CAMSAP2: variants seen among roughly 807,000 people sequenced by gnomAD.
CAMSAP2 encodes calmodulin-regulated spectrin-associated protein 2.
In CAMSAP2, 26 loss-of-function variants were observed where a neutral mutation model predicts 146.1. The observed-to-expected ratio is 0.18, with a 90% confidence interval of 0.13 to 0.25. The LOEUF is 0.25. Among genes scored for constraint, CAMSAP2 ranks in the 10% least tolerant of loss-of-function variants. CAMSAP2 has a pLI of 1.00. For synonymous variants in CAMSAP2, 499 were observed against 596.6 expected (o/e 0.84, Z 2.38); for missense variants, 1,381 against 1,759.3 (o/e 0.78, Z 3.85).
chr1:200,739,537 G>T lies in CAMSAP2; in HGVS notation c.-291G>T, dbSNP rs544675762. Reference sequence around the variant, plus strand: ...GCTCACACGCGGGCTCGCGGGGCGGGTGGCTCGGAGGGGCGCGGGCACGGG... The same window carrying T: ...GCTCACACGCGGGCTCGCGGGGCGGTTGGCTCGGAGGGGCGCGGGCACGGG... On this transcript the variant is annotated 5_prime_UTR_variant, in exon 1 of 17. Coordinates refer to ENST00000358823, the MANE Select transcript of CAMSAP2 (RefSeq NM_203459.4). The surrounding 1 kb of genome is among the most constrained non-coding windows in gnomAD (Gnocchi z 4.8). 2.7e-4 allele frequency: 46 copies of T among 171,870 alleles called. No homozygotes were observed. The East Asian group carries it at 7.4e-3, about 28-fold the overall frequency. 10.6% of individuals were successfully genotyped at this position (171,870 alleles called of 1,614,324 possible).
In CAMSAP2 at chr1:200,847,651, A is replaced by G; in HGVS notation, c.1204A>G (p.Arg402Gly). ...AHSSASGGIRRSSSMSYVDGF... is the reference protein window; with the variant it reads ...AHSSASGGIRGSSSMSYVDGF... ...TTTTGCATTTGAAGGAGGAATTAGA[A>G]GGTCTTCATCTATGTCTTATGTTGA... The change falls in exon 10 of 17, where the codon AGG becomes GGG. Residue 402 changes from arginine to glycine, a missense_variant. Arg to Gly is a moderately radical substitution (Grantham distance 125, BLOSUM62 -2). Coordinates refer to ENST00000358823, the MANE Select transcript of CAMSAP2 (RefSeq NM_203459.4). 6.2e-7 allele frequency: 1 copy of G among 1,610,810 alleles called. No homozygotes were observed. Among genetic ancestry groups the G allele is most frequent in the Non-Finnish European group, 8.5e-7 (1 of 1,178,686 alleles).
In CAMSAP2 at chr1:200,857,695, C is replaced by A; in HGVS notation, c.4132-59C>A. 1 of 1,347,686 alleles carries A rather than the reference C, an allele frequency of 7.4e-7. No homozygotes were observed. Among genetic ancestry groups the A allele is most frequent in the Non-Finnish European group, 1.0e-6 (1 of 984,730 alleles). The allele number at this position is 1,347,686 out of a possible 1,614,324, so 83.5% of individuals were successfully genotyped here. A position where few individuals can be genotyped will look rare whatever the true frequency, so the allele number is the denominator to read the frequency against. The stretch of plus-strand genomic sequence containing the variant: ...GTAACATAATTATATAAACTTTATT[C>A]AGCAAAATAAAGGGTTTTTATTCGT... On this transcript the variant is annotated intron_variant, in intron 16 of 16. Coordinates refer to ENST00000358823, the MANE Select transcript of CAMSAP2 (RefSeq NM_203459.4). This position sits in a 1 kb window ranked among gnomAD's most constrained non-coding sequence, Gnocchi z 4.7.
rs1346774204 is a variant in CAMSAP2, at chr1:200,849,008, G to A, written c.2239G>A (p.Ala747Thr). The A allele has an allele frequency of 6.2e-7, 1 of 1,614,082 alleles. No homozygotes were observed. Among genetic ancestry groups the A allele is most frequent in the Non-Finnish European group, 8.5e-7 (1 of 1,180,004 alleles). ...GGGACGGGACACTACCCAGCTGTTG[G>A]CCTCTGAAATGGTGCATCTTAGGAT... is the stretch of plus-strand genomic sequence containing the variant. ...PQGRDTTQLL[A>T]SEMVHLRMKL... The change falls in exon 11 of 17, where the codon GCC becomes ACC. Residue 747 changes from alanine to threonine, a missense_variant. Around this residue, in one of 4 missense-constraint regions of CAMSAP2, gnomAD observed 560 missense variants for 715.9 expected, o/e 0.78. Coordinates refer to ENST00000358823, the MANE Select transcript of CAMSAP2 (RefSeq NM_203459.4). This position sits in a 1 kb window ranked among gnomAD's most constrained non-coding sequence, Gnocchi z 6.3.
intron 4 of CAMSAP2, among the ~76,000 whole-genome samples, chr1:200,829,394 T>A (rs562890529): frequency 2.6e-5 from 4 of 152,098 alleles, no homozygotes; most frequent in African/African-American, 9.6e-5. Flanking sequence ...TCTCTATTTT[T>A]AAAAAATTAT....
At chr1:200,773,708 T>C (rs1665184134) in intron 2 of CAMSAP2, among the ~76,000 whole-genome samples, 1 of 152,010 alleles carries the variant, frequency 6.6e-6, no homozygotes, top group Non-Finnish European at 1.5e-5. Flanking sequence ...AAAAAACTAA[T>C]AGTAGACACA....
intron 2 of CAMSAP2, among the ~76,000 whole-genome samples, chr1:200,768,807 C>G (rs1378748910): frequency 6.6e-6 from 1 of 152,082 alleles, no homozygotes; most frequent in Non-Finnish European, 1.5e-5. Flanking sequence ...GCGTGTGCCA[C>G]CACGCCTGGC....
chr1:200,831,743 A>G (rs1213647116), intron 4 of CAMSAP2, among the ~76,000 whole-genome samples: 1 of 151,890 alleles, frequency 6.6e-6, no homozygotes, highest in Non-Finnish European at 1.5e-5. Context: ...TTCTTTTAAG[A>G]ATAGTATATT....
intron 8 of CAMSAP2, among the ~76,000 whole-genome samples, chr1:200,845,510 A>T (rs531779838): frequency 6.6e-6 from 1 of 152,278 alleles, no homozygotes; most frequent in Admixed American, 6.5e-5. Context: ...GAGGTGGAGT[A>T]AAGGCAGTAA....
chr1:200,836,498 G>A (rs1038689709), intron 6 of CAMSAP2, among the ~76,000 whole-genome samples: 3 of 152,158 alleles, frequency 2.0e-5, no homozygotes, highest in Admixed American at 6.5e-5. Context: ...AGCGTCAATG[G>A]GCATTTAGGA....
At chr1:200,798,257 C>G (rs1201540737) in intron 2 of CAMSAP2, among the ~76,000 whole-genome samples, 1 of 143,278 alleles carries the variant, frequency 7.0e-6, no homozygotes, top group African/African-American at 2.7e-5. Context: ...TTACCTTGGG[C>G]AGTATGGCCA....
intron 2 of CAMSAP2, among the ~76,000 whole-genome samples, chr1:200,798,545 T>C (rs1665950550): frequency 7.2e-6 from 1 of 139,128 alleles, no homozygotes; most frequent in African/African-American, 2.8e-5. Flanking sequence ...TGAAGTTGCT[T>C]ATCAGCTTAA....
At chr1:200,826,782 C>T (rs762891529) in intron 4 of CAMSAP2, among the ~76,000 whole-genome samples, 3 of 152,062 alleles carry the variant, frequency 2.0e-5, no homozygotes, top group Non-Finnish European at 2.9e-5. Flanking sequence ...CCTAGGTTGG[C>T]CCCTTTGTCG....
At chr1:200,783,999 C>G (rs1665515340) in intron 2 of CAMSAP2, among the ~76,000 whole-genome samples, 1 of 151,640 alleles carries the variant, frequency 6.6e-6, no homozygotes, top group Non-Finnish European at 1.5e-5. Context: ...CATTTTGGAT[C>G]AGTTTTTTTG....
intron 13 of CAMSAP2, among the ~76,000 whole-genome samples, chr1:200,854,369 A>T (rs1022372466): frequency 1.1e-4 from 16 of 152,306 alleles, no homozygotes; most frequent in Admixed American, 7.2e-4. Flanking sequence ...TGCCATGGAA[A>T]TTTTTTAGAG....
Position 200,859,655 on chromosome 1 carries a change from T to C in CAMSAP2, c.*1596T>C, listed in dbSNP as rs1667833007. The C allele has an allele frequency of 6.6e-6, 1 of 152,370 alleles. No individual in the cohort carries two copies. Among genetic ancestry groups the C allele is most frequent in the African/African-American group, 2.4e-5 (1 of 41,580 alleles). The allele number at this position is 152,370 out of a possible 1,614,324, so 9.4% of individuals were successfully genotyped here. On this transcript the variant is annotated 3_prime_UTR_variant, in exon 17 of 17. Coordinates refer to ENST00000358823, the MANE Select transcript of CAMSAP2 (RefSeq NM_203459.4). Reference sequence around the variant, plus strand: ...AAGATACATGTGTAGCTCAAAACTATTTGTGATCTACTGTTTGCATGTAAG... The same window carrying C: ...AAGATACATGTGTAGCTCAAAACTACTTGTGATCTACTGTTTGCATGTAAG...
chr1:200,800,564 C>G (rs945333659), intron 2 of CAMSAP2, among the ~76,000 whole-genome samples: 1 of 152,022 alleles, frequency 6.6e-6, no homozygotes, highest in African/African-American at 2.4e-5. Context: ...TGTGTCTTTG[C>G]ACATGTGATG....
At chr1:200,852,422 G>A in intron 11 of CAMSAP2, 119 bp from the exon 12 acceptor site, 1 of 1,056,514 alleles carries the variant, frequency 9.5e-7, no homozygotes, top group South Asian at 1.7e-5. Flanking sequence ...CATTCAGAAG[G>A]GTTGTAATAG....
intron 2 of CAMSAP2, among the ~76,000 whole-genome samples, chr1:200,776,715 C>T (rs1449777935): frequency 6.6e-6 from 1 of 152,058 alleles, no homozygotes; most frequent in Non-Finnish European, 1.5e-5. Context: ...CAGAGTGAGA[C>T]TCCGTCTTAA....
intron 10 of CAMSAP2, 129 bp from the exon 11 acceptor site, chr1:200,847,903 C>A: frequency 8.5e-6 from 7 of 819,384 alleles, no homozygotes; most frequent in Non-Finnish European, 1.3e-5. Context: ...CCTCCCCTTA[C>A]CTTGAAGACA....
Sources: allele counts gnomAD v4.1 joint callset (sites outside exome capture counted in the v4.1 genomes callset), GRCh38; gene constraint gnomAD v4.1.1; regional missense constraint gnomAD v4.1.1; non-coding constraint Gnocchi (gnomAD v3.1); transcripts MANE v1.5; gene names NCBI Gene and HGNC (gene_info 2026-07-23, HGNC 2026-07-21).